Variants in TIMP3 observed in about 807,000 individuals in gnomAD.
TIMP3 encodes TIMP metallopeptidase inhibitor 3, also known as metalloproteinase inhibitor 3.
A neutral mutation model predicts 30.0 loss-of-function variants in TIMP3; 11 were observed. The observed-to-expected ratio is 0.37, with a 90% CI of 0.23 to 0.61. TIMP3 has a LOEUF of 0.61. Ranked by LOEUF, TIMP3 falls within the 20% of genes least tolerant of loss-of-function variation. The pLI, the probability that TIMP3 is intolerant of heterozygous loss-of-function variation, is 0.70. For synonymous variants in TIMP3, 112 were observed against 111.3 expected (o/e 1.01, Z -0.04); for missense variants, 181 against 276.8 (o/e 0.65, Z 2.45).
At chr22:32,856,404 G>A (rs1161657210) in intron 2 of TIMP3, among the ~76,000 whole-genome samples, 2 of 152,076 alleles carry the variant, frequency 1.3e-5, no homozygotes, top group Non-Finnish European at 2.9e-5. Context: ...CTGGGGTGAA[G>A]GGGGCCCTGG....
intron 1 of TIMP3, among the ~76,000 whole-genome samples, chr22:32,820,986 C>T (rs1172536079): frequency 6.6e-6 from 1 of 152,054 alleles, no homozygotes; most frequent in Non-Finnish European, 1.5e-5. Context: ...CATGACCAAT[C>T]CGAGAAACCC....
chr22:32,811,960 T>A (rs2046928029), intron 1 of TIMP3, among the ~76,000 whole-genome samples: 1 of 152,094 alleles, frequency 6.6e-6, no homozygotes, highest in Non-Finnish European at 1.5e-5. Context: ...CAGCAACCGC[T>A]CCCCTATCCA....
intron 1 of TIMP3, among the ~76,000 whole-genome samples, chr22:32,840,096 AG>A (rs916181041): frequency 6.6e-6 from 1 of 152,142 alleles, no homozygotes; most frequent in Non-Finnish European, 1.5e-5. Context: ...ATCTCTGGGC[AG>A]GGAGGTTTTC....
chr22:32,821,556 TG>T (rs1166204512), intron 1 of TIMP3, among the ~76,000 whole-genome samples: 1 of 152,216 alleles, frequency 6.6e-6, no homozygotes, highest in East Asian at 1.9e-4. Context: ...CTGTCTGCCC[TG>T]GTCTTCAGGC....
At chr22:32,853,886 C>CA (rs2048292053) in intron 2 of TIMP3, among the ~76,000 whole-genome samples, 1 of 152,024 alleles carries the variant, frequency 6.6e-6, no homozygotes, top group Non-Finnish European at 1.5e-5. Context: ...AGTAACTTTC[C>CA]AAGTGGCGAA....
At chr22:32,817,730 A>G (rs185403614) in intron 1 of TIMP3, among the ~76,000 whole-genome samples, 6 of 152,330 alleles carry the variant, frequency 3.9e-5, no homozygotes, top group Non-Finnish European at 5.9e-5. Flanking sequence ...TTTAAATCCT[A>G]GGATCTTGTT....
intron 1 of TIMP3, among the ~76,000 whole-genome samples, chr22:32,802,883 G>A (rs568503878): frequency 6.6e-6 from 1 of 152,246 alleles, no homozygotes; most frequent in Non-Finnish European, 1.5e-5. Context: ...GTGGAAAACA[G>A]ATTTGTCACC....
At chr22:32,814,481 C>T (rs1370391652) in intron 1 of TIMP3, among the ~76,000 whole-genome samples, 1 of 152,104 alleles carries the variant, frequency 6.6e-6, no homozygotes, top group East Asian at 1.9e-4. Flanking sequence ...AAAACAGAAA[C>T]CACTGCCCAT....
chr22:32,839,593 G>A (rs2047835728), intron 1 of TIMP3, among the ~76,000 whole-genome samples: 1 of 152,154 alleles, frequency 6.6e-6, no homozygotes, highest in South Asian at 2.1e-4. Context: ...CAAGGTATCT[G>A]TACCTTTCTT....
intron 1 of TIMP3, among the ~76,000 whole-genome samples, chr22:32,824,381 C>T (rs1039372489): frequency 6.6e-6 from 1 of 151,226 alleles, no homozygotes; most frequent in Non-Finnish European, 1.5e-5. Context: ...TGTCAAGTAC[C>T]CTCAGGTTGA....
intron 1 of TIMP3, among the ~76,000 whole-genome samples, chr22:32,808,770 C>A (rs1156959982): frequency 6.6e-6 from 1 of 152,162 alleles, no homozygotes; most frequent in African/African-American, 2.4e-5. Flanking sequence ...ATAAACCTTG[C>A]CCATATTTTA....
At chr22:32,813,956 A>T (rs146093746) in intron 1 of TIMP3, among the ~76,000 whole-genome samples, 1 of 152,124 alleles carries the variant, frequency 6.6e-6, no homozygotes, top group Admixed American at 6.5e-5. Flanking sequence ...CCATCATATT[A>T]TTACTACATG....
chr22:32,827,449 C>A (rs985076794), intron 1 of TIMP3, among the ~76,000 whole-genome samples: 1 of 152,118 alleles, frequency 6.6e-6, no homozygotes, highest in African/African-American at 2.4e-5. Flanking sequence ...CCTACTTGTA[C>A]AAATGGATTT....
At chr22:32,858,240 G>C in intron 4 of TIMP3, 102 bp downstream of exon 4, 1 of 1,537,838 alleles carries the variant, frequency 6.5e-7, no homozygotes, top group Non-Finnish European at 8.9e-7. Flanking sequence ...GGCTGGGAAG[G>C]GTATGCATGT....
At chr22:32,857,527 C>G (rs1244252831) in intron 3 of TIMP3, among the ~76,000 whole-genome samples, 167 bp downstream of exon 3, 1 of 152,188 alleles carries the variant, frequency 6.6e-6, no homozygotes, top group Admixed American at 6.5e-5. Flanking sequence ...GCTTGAGGCT[C>G]CTACACTTAG....
In TIMP3 at chr22:32,807,765, A is replaced by G. The variant is rs573968511; in HGVS notation, c.121+5643A>G. Among the ~76,000 whole-genome samples, 81 of 151,644 alleles carry G rather than the reference A, an allele frequency of 5.3e-4. 1 individual carries two copies. Among genetic ancestry groups the G allele is most frequent in the African/African-American group, 1.9e-3 (79 of 41,390 alleles). Reference sequence around the variant, plus strand: ...CATATCATATTATATATACTACTACATACTCTTATATTATTATAATTATAT... The same window carrying G: ...CATATCATATTATATATACTACTACGTACTCTTATATTATTATAATTATAT... On this transcript the variant is annotated intron_variant, in intron 1 of 4. Coordinates refer to ENST00000266085, the MANE Select transcript of TIMP3 (RefSeq NM_000362.5).
chr22:32,825,245 G>C (rs2047367584), intron 1 of TIMP3, among the ~76,000 whole-genome samples: 1 of 152,148 alleles, frequency 6.6e-6, no homozygotes, highest in Non-Finnish European at 1.5e-5. Context: ...CTGCAGGGTG[G>C]CCAGCTGATG....
chr22:32,847,917 C>A (rs2048114367), intron 1 of TIMP3, among the ~76,000 whole-genome samples: 1 of 152,214 alleles, frequency 6.6e-6, no homozygotes, highest in African/African-American at 2.4e-5. Context: ...CTCATCACAC[C>A]CCCTGATAGA....
intron 1 of TIMP3, among the ~76,000 whole-genome samples, chr22:32,814,296 G>A: frequency 1.5e-4 from 1 of 6,730 alleles, no homozygotes; most frequent in Non-Finnish European, 2.9e-4. Flanking sequence ...AGGGAAGGAA[G>A]GAAGGAGAGA....
Sources: allele counts gnomAD v4.1 joint callset (sites outside exome capture counted in the v4.1 genomes callset), GRCh38; gene constraint gnomAD v4.1.1; transcripts MANE v1.5; gene names NCBI Gene and HGNC (gene_info 2026-07-23, HGNC 2026-07-21).